Variants in IL23R observed in about 807,000 individuals in gnomAD.
The protein encoded by IL23R is interleukin-23 receptor.
A neutral mutation model predicts 56.9 loss-of-function variants in IL23R; 34 were observed. The ratio of observed to expected loss-of-function variants is 0.60; its 90% confidence interval spans 0.45 to 0.80. IL23R has a LOEUF of 0.80. IL23R is among the 30% of genes least tolerant of loss of function. The pLI is 0.00. For missense variants in IL23R, 635 were observed against 730.0 expected, an observed-to-expected ratio of 0.87 and a Z score of 1.50; for synonymous variants, 230 against 249.2, an observed-to-expected ratio of 0.92 and a Z score of 0.73.
chr1:67,250,107 C>T (rs1341213410), intron 9 of IL23R, among the ~76,000 whole-genome samples: 1 of 152,138 alleles, frequency 6.6e-6, no homozygotes, highest in Non-Finnish European at 1.5e-5. Flanking sequence ...ATTTACATTC[C>T]TGTGCCTTCT....
chr1:67,203,511 C>T (rs979099184), intron 5 of IL23R, among the ~76,000 whole-genome samples: 1 of 152,110 alleles, frequency 6.6e-6, no homozygotes, highest in Non-Finnish European at 1.5e-5. Flanking sequence ...CCTCCTCCTC[C>T]TCCACCTCTT....
At position 67,173,313 on chromosome 1, in the gene IL23R, G is replaced by A. The variant is rs946131278; in HGVS notation, c.367+3675G>A. ...TGTATAGTCATCTTTTTGATCTTTT[G>A]CAAAGTTAATTGACCACCAGACATT... On this transcript the variant is annotated intron_variant, in intron 3 of 10. Coordinates refer to ENST00000347310, the MANE Select transcript of IL23R (RefSeq NM_144701.3). 3.3e-5 allele frequency among the ~76,000 whole-genome samples: 5 copies of A among 152,158 alleles called. No homozygotes were observed. The East Asian group carries it at 7.7e-4, about 24-fold the overall frequency.
intron 7 of IL23R, among the ~76,000 whole-genome samples, chr1:67,231,625 G>C (rs560078901): frequency 6.6e-6 from 1 of 151,866 alleles, no homozygotes; most frequent in African/African-American, 2.4e-5. Context: ...TCTCAATAGG[G>C]GTAAGATTGA....
intron 6 of IL23R, among the ~76,000 whole-genome samples, chr1:67,215,963 TC>T (rs1570865985): frequency 6.6e-6 from 1 of 152,198 alleles, no homozygotes; most frequent in East Asian, 1.9e-4. Flanking sequence ...TCTTTCTTAC[TC>T]CTTTCACCTA....
chr1:67,169,832 C>T (rs1208557831), intron 3 of IL23R, among the ~76,000 whole-genome samples, 194 bp downstream of exon 3: 1 of 152,174 alleles, frequency 6.6e-6, no homozygotes, highest in Non-Finnish European at 1.5e-5. Flanking sequence ...CTGCCCAGAT[C>T]CAGTAATCAC....
At chr1:67,185,116 C>CT (rs1647254882) in intron 4 of IL23R, among the ~76,000 whole-genome samples, 1 of 152,176 alleles carries the variant, frequency 6.6e-6, no homozygotes, top group Admixed American at 6.5e-5. Flanking sequence ...ATTGCCTAGT[C>CT]TAAGGTATTT....
At chr1:67,148,486 T>C (rs1646701769) in intron 1 of IL23R, among the ~76,000 whole-genome samples, 1 of 152,256 alleles carries the variant, frequency 6.6e-6, no homozygotes, top group African/African-American at 2.4e-5. Flanking sequence ...ATTGGTATTT[T>C]AGTGAGCCCT....
chr1:67,138,984 T>A (rs1479545683), exon 1 of IL23R: 1 of 152,318 alleles, frequency 6.6e-6, no homozygotes, highest in East Asian at 1.9e-4. Flanking sequence ...CCTCTTCTAG[T>A]CTGCCTGTTA....
rs558993726 is a variant in IL23R at position 67,226,885 on chromosome 1, C to G, written c.955+7155C>G. ...TCTGTTTCCTATTTCTCCTGAGTCACTGACCACCCCAGCCCACCTGGGCAT... is the reference window on the plus strand; with the variant it reads ...TCTGTTTCCTATTTCTCCTGAGTCAGTGACCACCCCAGCCCACCTGGGCAT... On this transcript the variant is annotated intron_variant, in intron 7 of 10. Transcript: ENST00000347310. Among the ~76,000 whole-genome samples the G allele has an allele frequency of 2.0e-5, 3 of 152,342 alleles. No homozygotes were observed. In the East Asian group the frequency reaches 5.8e-4, roughly 29 times the overall value.
At chr1:67,229,912 A>G (rs1650986230) in intron 7 of IL23R, among the ~76,000 whole-genome samples, 1 of 152,242 alleles carries the variant, frequency 6.6e-6, no homozygotes, top group Non-Finnish European at 1.5e-5. Flanking sequence ...TGTAAGCAAA[A>G]TAAATCAAGG....
upstream of IL23R, among the ~76,000 whole-genome samples, chr1:67,163,458 G>A (rs1646841069): frequency 1.2e-5 from 1 of 86,874 alleles, no homozygotes; most frequent in African/African-American, 5.0e-5. Context: ...CACAGAGCAA[G>A]ACCCTGTCTC....
At chr1:67,243,187 C>A (rs1315411281) in intron 9 of IL23R, among the ~76,000 whole-genome samples, 4 of 152,090 alleles carry the variant, frequency 2.6e-5, no homozygotes, top group African/African-American at 9.7e-5. Context: ...AGTTGTTTCT[C>A]CAATTTAGGT....
At chr1:67,144,567 CATT>C (rs1646664054) in intron 1 of IL23R, among the ~76,000 whole-genome samples, 3 of 152,072 alleles carry the variant, frequency 2.0e-5, no homozygotes, top group South Asian at 2.1e-4. Flanking sequence ...TGTCAAATAC[CATT>C]ATTATCTTTG....
rs138828371 is a variant in IL23R, at chr1:67,234,116, A to C, written c.956-2597A>C. The stretch of plus-strand genomic sequence containing the variant: ...TTTCTCCTGTTGAAAATTTTTCTGT[A>C]CTTTAATTATCGCTTTTACAGTCAA... On this transcript the variant is annotated intron_variant, in intron 7 of 10. Transcript: ENST00000347310. Among the ~76,000 whole-genome samples, 894 of 152,218 alleles carry C rather than the reference A, an allele frequency of 5.9e-3. 6 individuals carry two copies. The highest frequency in any genetic ancestry group is 0.02 in the African/African-American group (841 of 41,530).
rs914419100 is a variant in IL23R, at chr1:67,219,323, G to A, written c.799-251G>A. On this transcript the variant is annotated intron_variant, in intron 6 of 10. Coordinates refer to ENST00000347310, the MANE Select transcript of IL23R (RefSeq NM_144701.3). ...GCGGAGGTTGCAGTGAACTGAGATCGAGCCACCGCACTCCAGCCTGGGCAA... is the reference window on the plus strand; with the variant it reads ...GCGGAGGTTGCAGTGAACTGAGATCAAGCCACCGCACTCCAGCCTGGGCAA... Among the ~76,000 whole-genome samples, 67 of 151,992 alleles carry A rather than the reference G, an allele frequency of 4.4e-4. 1 individual carries two copies. Among genetic ancestry groups the A allele is most frequent in the African/African-American group, 1.5e-3 (64 of 41,362 alleles).
At chr1:67,166,383 A>G (rs1044535091), upstream of IL23R, 3 of 152,360 alleles carry the variant, frequency 2.0e-5, no homozygotes, top group African/African-American at 4.8e-5. Flanking sequence ...AGAGTCTGCA[A>G]TGTAGGTCAG....
intron 1 of IL23R, among the ~76,000 whole-genome samples, chr1:67,159,381 C>T (rs889024147): frequency 6.6e-6 from 1 of 152,158 alleles, no homozygotes; most frequent in Non-Finnish European, 1.5e-5. Context: ...GCTTCCCCTT[C>T]GTCTTCCATC....
upstream of IL23R, among the ~76,000 whole-genome samples, chr1:67,164,323 C>T (rs1209273442): frequency 6.6e-6 from 1 of 152,122 alleles, no homozygotes; most frequent in East Asian, 1.9e-4. Flanking sequence ...TGGTGAAACC[C>T]TATCTCTACA....
chr1:67,243,012 C>A (rs2100338710), intron 9 of IL23R, among the ~76,000 whole-genome samples: 2 of 152,286 alleles, frequency 1.3e-5, no homozygotes, highest in South Asian at 4.1e-4. Context: ...TTATAAGTCA[C>A]CACACAAACA....
Sources: gnomAD v4.1 joint callset for allele counts (sites outside exome capture counted in the v4.1 genomes callset) on GRCh38, gnomAD v4.1.1 for gene constraint, MANE v1.5 for transcripts, NCBI Gene and HGNC (gene_info 2026-07-23, HGNC 2026-07-21) for gene names.